The following AFF4 variants were observed in gnomAD, a reference collection of about 807,000 sequenced individuals.
AFF4 encodes the protein ALF transcription elongation factor 4, also known as AF4/FMR2 family member 4.
A neutral mutation model predicts 124.8 loss-of-function variants in AFF4; 13 were observed. The observed-to-expected ratio is 0.10, with a 90% CI of 0.07 to 0.17. The LOEUF is 0.17. Ranked by LOEUF, AFF4 falls within the 10% of genes least tolerant of loss-of-function variation. The pLI, the probability that AFF4 is intolerant of heterozygous loss-of-function variation, is 1.00. For missense variants in AFF4, 1,092 were observed against 1,403.8 expected, an observed-to-expected ratio of 0.78 and a Z score of 3.55; for synonymous variants, 477 against 496.1, an observed-to-expected ratio of 0.96 and a Z score of 0.51.
chr5:132,912,122 G>A (rs926224745), intron 5 of AFF4, among the ~76,000 whole-genome samples: 2 of 149,344 alleles, frequency 1.3e-5, no homozygotes, highest in African/African-American at 4.9e-5. Flanking sequence ...GGAGGTGGAG[G>A]TTGGCGGATC....
intron 13 of AFF4, among the ~76,000 whole-genome samples, chr5:132,889,719 A>T (rs188762844): frequency 1.3e-5 from 2 of 152,342 alleles, no homozygotes; most frequent in East Asian, 3.9e-4. Context: ...GCATTCTTGG[A>T]ATTTGAGTTT....
intron 5 of AFF4, among the ~76,000 whole-genome samples, chr5:132,915,131 G>A (rs1276120068): frequency 6.6e-6 from 1 of 152,144 alleles, no homozygotes; most frequent in Non-Finnish European, 1.5e-5. Context: ...GAGGTCAGGA[G>A]ATGGTCTAGA....
intron 5 of AFF4, among the ~76,000 whole-genome samples, chr5:132,922,631 T>C (rs1182431551): frequency 3.4e-5 from 5 of 145,508 alleles, no homozygotes; most frequent in South Asian, 4.4e-4. Flanking sequence ...AATACAAAAA[T>C]TAGCTAGGCG....
intron 3 of AFF4, among the ~76,000 whole-genome samples, chr5:132,933,419 T>C (rs376531959): frequency 6.7e-6 from 1 of 149,724 alleles, no homozygotes; most frequent in African/African-American, 2.5e-5. Context: ...AAGAGAGAGA[T>C]AAAATTTGGG....
intron 12 of AFF4, 48 bp downstream of exon 12, chr5:132,892,982 T>C (rs1296535524): frequency 3.2e-6 from 5 of 1,544,396 alleles, no homozygotes; most frequent in Non-Finnish European, 4.5e-6. Flanking sequence ...TATCAAATGA[T>C]ATACATATAT....
chr5:132,963,569 A>G lies in AFF4; in HGVS notation c.-315T>C, dbSNP rs1442486178. On this transcript the variant is annotated 5_prime_UTR_variant, in exon 1 of 21. Transcript: ENST00000265343. ...GGGTTAACGAAGACCTGGCACCAGGATCCCCGCCCCGTCCGCTGGCGGCGG... is the reference window on the plus strand; with the variant it reads ...GGGTTAACGAAGACCTGGCACCAGGGTCCCCGCCCCGTCCGCTGGCGGCGG... 1.0e-5 allele frequency: 4 copies of G among 397,732 alleles called. No homozygotes were observed. The highest frequency in any genetic ancestry group is 4.1e-5 in the African/African-American group (2 of 48,558). The allele number at this position is 397,732 out of a possible 1,614,324, so 24.6% of individuals were successfully genotyped here.
chr5:132,920,410 G>T (rs188584503), intron 5 of AFF4, among the ~76,000 whole-genome samples: 12 of 148,254 alleles, frequency 8.1e-5, no homozygotes, highest in South Asian at 6.3e-4. Flanking sequence ...AGGCTGGAGT[G>T]CAGTGGCATA....
rs912268133 is a variant in AFF4, at chr5:132,934,328, G to T, written c.737C>A (p.Ser246Tyr). 3.7e-6 allele frequency: 6 copies of T among 1,614,026 alleles called. No homozygotes were observed. The highest frequency in any genetic ancestry group is 5.1e-6 in the Non-Finnish European group (6 of 1,180,034). The stretch of plus-strand genomic sequence containing the variant: ...AGTGGGTTTCTGTAACATTGAATTG[G>T]ACTTTGACATCAATGAGGGTGGGAA... ...QSFPPSLMSK[S>Y]NSMLQKPTAY... The change falls in exon 3 of 21, where the codon TCC (serine) becomes TAC (tyrosine). Residue 246 changes from serine (S) to tyrosine (Y), a missense_variant. By Grantham distance (144) the Ser-to-Tyr change is moderately radical. Around this residue, in one of 11 missense-constraint regions of AFF4, gnomAD observed 188 missense variants for 203.0 expected, o/e 0.93. Transcript: ENST00000265343.
chr5:132,962,086 C>T (rs929709314), intron 1 of AFF4, among the ~76,000 whole-genome samples: 2 of 152,336 alleles, frequency 1.3e-5, no homozygotes, highest in African/African-American at 4.8e-5. Flanking sequence ...TCTAGGCAGA[C>T]TCACAGACCA....
At chr5:132,953,940 A>G (rs1761896561) in intron 1 of AFF4, among the ~76,000 whole-genome samples, 1 of 152,198 alleles carries the variant, frequency 6.6e-6, no homozygotes, top group African/African-American at 2.4e-5. Context: ...CCTGCTTAAA[A>G]TTTTTAAATA....
chr5:132,901,036 G>C lies in AFF4; in HGVS notation c.1134-1395C>G, dbSNP rs1329950813. The C allele has an allele frequency of 3.0e-6, 3 of 985,240 alleles. No individual in the cohort carries two copies. The African/African-American group carries it at 5.2e-5, about 17-fold the overall frequency. The allele number at this position is 985,240 out of a possible 1,614,324, so 61.0% of individuals were successfully genotyped here. ...ACACCACCTTGAAATAAAGTAACCA[G>C]ATGATTTTTAAGACTGGCCCAATTA... On this transcript the variant is annotated intron_variant, in intron 7 of 20. Coordinates refer to ENST00000265343, the MANE Select transcript of AFF4 (RefSeq NM_014423.4).
chr5:132,931,106 C>CA (rs35923089), intron 4 of AFF4, among the ~76,000 whole-genome samples: 35,720 of 96,674 alleles, frequency 0.37, 5,411 homozygotes, highest in Non-Finnish European at 0.4. Context: ...AACTCTGGCT[C>CA]AAAAAAAAAA....
chr5:132,949,934 G>C (rs1267493403), intron 1 of AFF4, among the ~76,000 whole-genome samples: 1 of 151,968 alleles, frequency 6.6e-6, no homozygotes, highest in Non-Finnish European at 1.5e-5. Flanking sequence ...GAGGCAGAAG[G>C]ATCACTGGAG....
intron 17 of AFF4, 62 bp downstream of exon 17, chr5:132,887,459 C>T (rs1055446493): frequency 7.0e-7 from 1 of 1,421,264 alleles, no homozygotes; most frequent in African/African-American, 1.4e-5. Context: ...GAAGAGCACA[C>T]ACAGCACTAT....
intron 7 of AFF4, among the ~76,000 whole-genome samples, chr5:132,901,497 G>C (rs1760550644): frequency 6.6e-6 from 1 of 152,172 alleles, no homozygotes; most frequent in African/African-American, 2.4e-5. Context: ...TGTAGTCACT[G>C]CTTCTTTAGA....
chr5:132,962,192 T>G (rs1212146844), intron 1 of AFF4, among the ~76,000 whole-genome samples: 1 of 152,234 alleles, frequency 6.6e-6, no homozygotes, highest in Non-Finnish European at 1.5e-5. Flanking sequence ...AAGCACTTTA[T>G]GAAGTGCAGA....
chr5:132,913,148 T>C (rs1416474470), intron 5 of AFF4, among the ~76,000 whole-genome samples: 1 of 152,158 alleles, frequency 6.6e-6, no homozygotes, highest in Non-Finnish European at 1.5e-5. Flanking sequence ...CTGATCATAT[T>C]AATATAAAAG....
chr5:132,883,209 A>T (rs186991911), intron 20 of AFF4, 131 bp downstream of exon 20: 191 of 849,720 alleles, frequency 2.2e-4, no homozygotes, highest in Non-Finnish European at 3.1e-4. Context: ...AGCAATGAAG[A>T]CTATTAACAA....
intron 5 of AFF4, among the ~76,000 whole-genome samples, chr5:132,907,024 A>C (rs555990019): frequency 1.3e-5 from 2 of 152,330 alleles, no homozygotes; most frequent in African/African-American, 4.8e-5. Context: ...AAATGGCCTA[A>C]AAGTTAATAG....
Sources: gnomAD v4.1 joint callset for allele counts (sites outside exome capture counted in the v4.1 genomes callset) on GRCh38, gnomAD v4.1.1 for gene constraint, gnomAD v4.1.1 regional missense constraint, MANE v1.5 for transcripts, NCBI Gene and HGNC (gene_info 2026-07-23, HGNC 2026-07-21) for gene names.